Variants in RAPGEF4 observed in about 807,000 individuals in gnomAD.
RAPGEF4 encodes RAP guanine-nucleotide-exchange factor (GEF) 4.
RAPGEF4 carries 66 observed loss-of-function variants against 147.9 expected under a neutral mutation model. That is an observed-to-expected ratio of 0.45 (90% CI 0.37 to 0.55). The LOEUF (loss-of-function observed/expected upper bound fraction) is 0.55. RAPGEF4 is among the 20% of genes least tolerant of loss of function. The pLI is 0.00. For synonymous variants in RAPGEF4, 419 were observed against 442.7 expected (o/e 0.95, Z 0.67); for missense variants, 1,071 against 1,257.3 (o/e 0.85, Z 2.24).
intron 6 of RAPGEF4, among the ~76,000 whole-genome samples, chr2:172,941,757 G>C (rs759111210): frequency 2.6e-5 from 4 of 152,100 alleles, no homozygotes; most frequent in Non-Finnish European, 5.9e-5. Context: ...CCACTTCTTA[G>C]CTATGTGGGC....
chr2:172,745,613 T>C (rs1356743862), intron 1 of RAPGEF4, among the ~76,000 whole-genome samples: 1 of 152,174 alleles, frequency 6.6e-6, no homozygotes, highest in Non-Finnish European at 1.5e-5. Flanking sequence ...TTATTCTTCT[T>C]TTTCTGGCTT....
At chr2:173,014,181 A>T (rs952472619) in intron 17 of RAPGEF4, among the ~76,000 whole-genome samples, 1 of 152,190 alleles carries the variant, frequency 6.6e-6, no homozygotes, top group Non-Finnish European at 1.5e-5. Flanking sequence ...AATGACAGCT[A>T]GAGCTAGACA....
chr2:172,764,619 A>G (rs148497882), intron 1 of RAPGEF4, among the ~76,000 whole-genome samples: 1 of 152,294 alleles, frequency 6.6e-6, no homozygotes, highest in East Asian at 1.9e-4. Context: ...TTCAGTTTGG[A>G]TGCCCGTGGA....
chr2:172,834,410 C>T (rs1690701284), intron 4 of RAPGEF4, among the ~76,000 whole-genome samples: 1 of 152,110 alleles, frequency 6.6e-6, no homozygotes, highest in African/African-American at 2.4e-5. Flanking sequence ...AGATGGGGTA[C>T]ATATTATAAA....
chr2:172,924,428 G>A (rs144206019), intron 6 of RAPGEF4, among the ~76,000 whole-genome samples: 8 of 152,270 alleles, frequency 5.3e-5, no homozygotes, highest in African/African-American at 1.9e-4. Context: ...GAAAGATCTG[G>A]GGAACTGGCC....
chr2:172,940,832 C>T (rs1395978237), intron 6 of RAPGEF4, among the ~76,000 whole-genome samples: 1 of 152,100 alleles, frequency 6.6e-6, no homozygotes, highest in Admixed American at 6.6e-5. Context: ...GACGTCTTAA[C>T]AGTATTGAGT....
intron 10 of RAPGEF4, among the ~76,000 whole-genome samples, chr2:172,981,569 C>G (rs1159061040): frequency 2.0e-5 from 3 of 152,194 alleles, no homozygotes; most frequent in Non-Finnish European, 4.4e-5. Context: ...AGGAGGTGAA[C>G]CTGGCTAGCA....
chr2:172,967,490 T>G (rs1256910588), intron 10 of RAPGEF4, 46 bp downstream of exon 10: 1 of 1,574,162 alleles, frequency 6.4e-7, no homozygotes, highest in Non-Finnish European at 8.6e-7. Flanking sequence ...CAAGGCCGCC[T>G]AGTGCATAGA....
intron 1 of RAPGEF4, among the ~76,000 whole-genome samples, chr2:172,786,600 C>T (rs1685230779): frequency 6.6e-6 from 1 of 152,130 alleles, no homozygotes; most frequent in Non-Finnish European, 1.5e-5. Context: ...TATTTATAGG[C>T]CAGGTGGTAA....
intron 15 of RAPGEF4, among the ~76,000 whole-genome samples, chr2:172,994,470 C>T (rs1693125460): frequency 6.6e-6 from 1 of 152,170 alleles, no homozygotes; most frequent in Admixed American, 6.5e-5. Context: ...AGGCATGATG[C>T]CTCCCCGTCC....
intron 3 of RAPGEF4, among the ~76,000 whole-genome samples, chr2:172,807,035 G>A (rs942096088): frequency 6.6e-6 from 1 of 152,104 alleles, no homozygotes; most frequent in African/African-American, 2.4e-5. Context: ...TGCCATCATT[G>A]GAAACATTTT....
chr2:172,909,772 A>C (rs1461068745), intron 4 of RAPGEF4, among the ~76,000 whole-genome samples: 3 of 152,104 alleles, frequency 2.0e-5, no homozygotes, highest in African/African-American at 7.2e-5. Flanking sequence ...TGACTATTAA[A>C]CTTCTATAAA....
chr2:172,801,280 C>T (rs1430100932), intron 3 of RAPGEF4, among the ~76,000 whole-genome samples: 1 of 152,158 alleles, frequency 6.6e-6, no homozygotes, highest in Non-Finnish European at 1.5e-5. Context: ...AAAAGTTACA[C>T]AGTCTAAAAG....
At chr2:173,033,773 G>A in intron 26 of RAPGEF4, 141 bp from the exon 27 acceptor site, 1 of 760,744 alleles carries the variant, frequency 1.3e-6, no homozygotes, top group Non-Finnish European at 2.1e-6. Context: ...CAAATGGCAA[G>A]ACAGATTACA....
chr2:173,012,340 A>G (rs1014654400), intron 17 of RAPGEF4, among the ~76,000 whole-genome samples: 1 of 151,970 alleles, frequency 6.6e-6, no homozygotes, highest in African/African-American at 2.4e-5. Context: ...CAGAATCTCC[A>G]CTGACTCTTA....
chr2:173,011,161 C>CGCGT lies in RAPGEF4; in HGVS notation c.1659-3300_1659-3299insTGCG, dbSNP rs768257828. On this transcript the variant is annotated intron_variant, in intron 17 of 30. Transcript: ENST00000397081. ...AGCTGCGGGAACCTTGGAACTTCAG[C>CGCGT]GCGCGCGCGCACACACACACACACA... Among the ~76,000 whole-genome samples, 326 of 77,176 alleles carry CGCGT rather than the reference C, an allele frequency of 4.2e-3. 3 individuals are homozygous for CGCGT. The highest frequency in any genetic ancestry group is 5.6e-3 in the Non-Finnish European group (197 of 34,954). 50.6% of individuals were successfully genotyped at this position (77,176 alleles called of 152,430 possible).
chr2:172,936,241 C>A (rs1014480995), intron 6 of RAPGEF4, among the ~76,000 whole-genome samples: 2 of 152,094 alleles, frequency 1.3e-5, no homozygotes, highest in African/African-American at 4.8e-5. Context: ...GGCGTGTGTG[C>A]CTGTAGTCCC....
intron 18 of RAPGEF4, 75 bp from the exon 19 acceptor site, chr2:173,016,274 A>C: frequency 1.9e-6 from 2 of 1,034,596 alleles, no homozygotes; most frequent in Non-Finnish European, 3.0e-6. Context: ...ATAGGGACAC[A>C]TCTTTATTGC....
chr2:172,759,388 C>A (rs1241303914), intron 1 of RAPGEF4, among the ~76,000 whole-genome samples: 1 of 152,120 alleles, frequency 6.6e-6, no homozygotes, highest in Non-Finnish European at 1.5e-5. Context: ...GATGAAAAAT[C>A]AAGGCATGGA....
Sources: gnomAD v4.1 joint callset for allele counts (sites outside exome capture counted in the v4.1 genomes callset) on GRCh38, gnomAD v4.1.1 for gene constraint, MANE v1.5 for transcripts, NCBI Gene and HGNC (gene_info 2026-07-23, HGNC 2026-07-21) for gene names.